Variants in CSMD1 observed in about 807,000 individuals in gnomAD.
The protein encoded by CSMD1 is CUB and sushi domain-containing protein 1.
Under a neutral mutation model 417.5 loss-of-function variants are expected in CSMD1, and 213 were observed. That is an observed-to-expected ratio of 0.51 (90% confidence interval 0.46 to 0.57). The LOEUF (loss-of-function observed/expected upper bound fraction) is 0.57, where lower values mean the gene tolerates loss of function less well. Among genes scored for constraint, CSMD1 ranks in the 20% least tolerant of loss-of-function variants. The pLI is 0.00. For missense variants in CSMD1, 6,923 were observed against 4,529.7 expected (o/e 1.53, Z -15.17); for synonymous variants, 2,862 against 1,736.8 (o/e 1.65, Z -16.11).
chr8:3,772,072 C>T (rs1258230885), intron 5 of CSMD1, among the ~76,000 whole-genome samples: 1 of 151,204 alleles, frequency 6.6e-6, no homozygotes, highest in Non-Finnish European at 1.5e-5. Flanking sequence ...CATTATGCTA[C>T]CAATCCAGGC....
At chr8:3,462,447 C>T (rs1455721957) in intron 12 of CSMD1, among the ~76,000 whole-genome samples, 1 of 152,148 alleles carries the variant, frequency 6.6e-6, no homozygotes, top group Admixed American at 6.5e-5. Context: ...CCCAGCAGAT[C>T]AGCAGCAACA....
chr8:4,214,811 C>G (rs955313306), intron 3 of CSMD1, among the ~76,000 whole-genome samples: 1 of 151,950 alleles, frequency 6.6e-6, no homozygotes, highest in Non-Finnish European at 1.5e-5. Context: ...AAGAGAAGCT[C>G]AAAAATACGA....
intron 3 of CSMD1, among the ~76,000 whole-genome samples, chr8:4,246,331 C>A (rs976931580): frequency 2.0e-5 from 3 of 152,112 alleles, no homozygotes; most frequent in African/African-American, 7.2e-5. Context: ...CCTCCATCCA[C>A]GTCCTTGCAA....
intron 26 of CSMD1, among the ~76,000 whole-genome samples, chr8:3,281,513 A>G (rs1379582535): frequency 6.6e-6 from 1 of 152,180 alleles, no homozygotes; most frequent in African/African-American, 2.4e-5. Context: ...CTAAAAAGAA[A>G]TGATCCGTAC....
At chr8:4,182,438 G>A (rs566150403) in intron 3 of CSMD1, among the ~76,000 whole-genome samples, 1 of 152,156 alleles carries the variant, frequency 6.6e-6, no homozygotes, top group South Asian at 2.1e-4. Flanking sequence ...CTTATATAAT[G>A]AAATAATAAA....
intron 11 of CSMD1, among the ~76,000 whole-genome samples, chr8:3,478,965 A>G (rs1297265064): frequency 6.6e-6 from 1 of 151,916 alleles, no homozygotes; most frequent in African/African-American, 2.4e-5. Flanking sequence ...CACTGCAAAG[A>G]GTGGTCCCTC....
At chr8:3,169,542 T>G (rs921460703) in intron 37 of CSMD1, among the ~76,000 whole-genome samples, 1 of 152,102 alleles carries the variant, frequency 6.6e-6, no homozygotes, top group African/African-American at 2.4e-5. Flanking sequence ...AATTAGTGTT[T>G]AATGAGTGCA....
intron 7 of CSMD1, among the ~76,000 whole-genome samples, chr8:3,617,979 C>G (rs1802227271): frequency 6.6e-6 from 1 of 152,066 alleles, no homozygotes; most frequent in South Asian, 2.1e-4. Context: ...ACCATAAAAA[C>G]AACAGTAATC....
chr8:3,516,387 G>A (rs370175947), intron 10 of CSMD1, among the ~76,000 whole-genome samples: 20 of 152,282 alleles, frequency 1.3e-4, no homozygotes, highest in African/African-American at 4.6e-4. Context: ...AAAATACTGG[G>A]ATGTGTCAAA....
intron 5 of CSMD1, among the ~76,000 whole-genome samples, chr8:3,824,668 T>A (rs1801948519): frequency 6.6e-6 from 1 of 152,180 alleles, no homozygotes; most frequent in African/African-American, 2.4e-5. Flanking sequence ...ATATATTGAG[T>A]TAATGATGTA....
At chr8:4,120,235 A>T (rs893286893) in intron 3 of CSMD1, among the ~76,000 whole-genome samples, 10 of 152,184 alleles carry the variant, frequency 6.6e-5, no homozygotes, top group African/African-American at 1.9e-4. Flanking sequence ...GCTGACAGCC[A>T]TGACTCCTGG....
At chr8:4,756,159 T>C (rs1811654968) in intron 1 of CSMD1, among the ~76,000 whole-genome samples, 1 of 152,314 alleles carries the variant, frequency 6.6e-6, no homozygotes, top group South Asian at 2.1e-4. Context: ...CTTTATGAAT[T>C]CTATAATTGC....
At chr8:3,706,301 C>T (rs539265345) in intron 7 of CSMD1, among the ~76,000 whole-genome samples, 5 of 152,332 alleles carry the variant, frequency 3.3e-5, no homozygotes, top group African/African-American at 1.2e-4. Flanking sequence ...TTGAATAAGG[C>T]ATATACTTGC....
intron 3 of CSMD1, among the ~76,000 whole-genome samples, chr8:4,346,201 C>G (rs1800770660): frequency 6.6e-6 from 1 of 152,090 alleles, no homozygotes; most frequent in Non-Finnish European, 1.5e-5. Flanking sequence ...TTTATCTGGA[C>G]AGCTCATTTG....
chr8:3,551,744 C>G (rs371797513), intron 10 of CSMD1, among the ~76,000 whole-genome samples: 4 of 151,958 alleles, frequency 2.6e-5, no homozygotes, highest in African/African-American at 9.7e-5. Context: ...CACTTGTATA[C>G]TAAAGTCCGT....
rs112571015 is a variant in CSMD1, at chr8:4,770,950, T to C, written c.86-133392A>G. ...TTCAGGCTACAGAACAAACAATAAATAAATGAGACTACATCACACTAAAAA... is the reference window on the plus strand; with the variant it reads ...TTCAGGCTACAGAACAAACAATAAACAAATGAGACTACATCACACTAAAAA... On this transcript the variant is annotated intron_variant, in intron 1 of 69. Transcript: ENST00000635120. Among the ~76,000 whole-genome samples the C allele has an allele frequency of 3.4e-3, 520 of 151,942 alleles. 8 individuals are homozygous for C. Among genetic ancestry groups the C allele is most frequent in the African/African-American group, 0.012 (503 of 41,426 alleles).
chr8:3,970,791 T>C (rs1393223682), intron 5 of CSMD1, among the ~76,000 whole-genome samples: 2 of 152,152 alleles, frequency 1.3e-5, no homozygotes, highest in African/African-American at 2.4e-5. Context: ...TCACTCTTGT[T>C]ACCCAGGCTG....
chr8:4,302,287 T>G (rs2128873984), intron 3 of CSMD1, among the ~76,000 whole-genome samples: 1 of 152,312 alleles, frequency 6.6e-6, no homozygotes, highest in South Asian at 2.1e-4. Context: ...GAGATATCCT[T>G]GGAATGGTTT....
At chr8:3,799,632 T>C (rs1052785597) in intron 5 of CSMD1, among the ~76,000 whole-genome samples, 4 of 152,074 alleles carry the variant, frequency 2.6e-5, no homozygotes, top group African/African-American at 9.7e-5. Context: ...TGGCTTGTAC[T>C]TGTAGCATTG....
Sources: gnomAD v4.1 joint callset for allele counts (sites outside exome capture counted in the v4.1 genomes callset) on GRCh38, gnomAD v4.1.1 for gene constraint, MANE v1.5 for transcripts, NCBI Gene and HGNC (gene_info 2026-07-23, HGNC 2026-07-21) for gene names.